The following LZTS1 variants were observed in gnomAD, a reference collection of about 807,000 sequenced individuals.
The protein encoded by LZTS1 is leucine zipper tumor suppressor 1.
A neutral mutation model predicts 45.8 loss-of-function variants in LZTS1; 31 were observed. The observed-to-expected ratio is 0.68, with a 90% CI of 0.51 to 0.91. The LOEUF (loss-of-function observed/expected upper bound fraction) is 0.91, where lower values mean the gene tolerates loss of function less well. LZTS1 is among the 40% of genes least tolerant of loss of function. LZTS1 has a pLI of 0.00. For synonymous variants in LZTS1, 359 were observed against 357.3 expected, an observed-to-expected ratio of 1.00 and a Z score of -0.05; for missense variants, 821 against 788.9, an observed-to-expected ratio of 1.04 and a Z score of -0.49.
intron 1 of LZTS1, among the ~76,000 whole-genome samples, chr8:20,281,716 TC>T (rs1800697381): frequency 1.3e-5 from 2 of 152,148 alleles, no homozygotes; most frequent in Admixed American, 1.3e-4. Flanking sequence ...ATATGTCTGT[TC>T]CCCCTTCACC....
At chr8:20,265,986 G>T (rs539998480) in intron 1 of LZTS1, among the ~76,000 whole-genome samples, 32 of 152,058 alleles carry the variant, frequency 2.1e-4, no homozygotes, top group African/African-American at 7.7e-4. Flanking sequence ...CACACACAGG[G>T]TCAAACACAG....
intron 1 of LZTS1, among the ~76,000 whole-genome samples, chr8:20,284,707 C>T (rs1800756579): frequency 6.6e-6 from 1 of 152,100 alleles, no homozygotes; most frequent in Admixed American, 6.6e-5. Context: ...TACCTTGGGG[C>T]CTGCATCATC....
At chr8:20,266,354 C>T (rs571055416) in intron 1 of LZTS1, among the ~76,000 whole-genome samples, 1 of 152,232 alleles carries the variant, frequency 6.6e-6, no homozygotes, top group South Asian at 2.1e-4. Context: ...ATAAAACCAG[C>T]TCATAAGGAG....
chr8:20,274,925 G>A (rs1182246152), intron 1 of LZTS1, among the ~76,000 whole-genome samples: 2 of 149,266 alleles, frequency 1.3e-5, no homozygotes, highest in East Asian at 3.9e-4. Flanking sequence ...TTGGAGCGCT[G>A]TGATCAAAAA....
Position 20,303,934 on chromosome 8 carries a change from C to T in LZTS1, c.-329G>A. 8 of 981,894 alleles carry T rather than the reference C, an allele frequency of 8.1e-6. No individual in the cohort carries two copies. Among genetic ancestry groups the T allele is most frequent in the Non-Finnish European group, 9.7e-6 (8 of 827,836 alleles). The allele number at this position is 981,894 out of a possible 1,614,324, so 60.8% of individuals were successfully genotyped here. Reference sequence around the variant, plus strand: ...GGCCTCCCCGCCCGGCCGCTGCCAACCCGCCAGCTCCAGGCGCGCCGGCCT... The same window carrying T: ...GGCCTCCCCGCCCGGCCGCTGCCAATCCGCCAGCTCCAGGCGCGCCGGCCT... On this transcript the variant is annotated 5_prime_UTR_variant, in exon 1 of 4. Transcript: ENST00000381569.
intron 1 of LZTS1, among the ~76,000 whole-genome samples, chr8:20,267,076 C>G (rs1310014302): frequency 6.7e-6 from 1 of 149,788 alleles, no homozygotes; most frequent in Non-Finnish European, 1.5e-5. Flanking sequence ...CCACTGCATT[C>G]CAGCCTGGGC....
chr8:20,291,353 A>G (rs1247981388), intron 1 of LZTS1, among the ~76,000 whole-genome samples: 2 of 151,784 alleles, frequency 1.3e-5, no homozygotes, highest in Non-Finnish European at 2.9e-5. Flanking sequence ...AGCACTCATG[A>G]CCCTCCCACA....
intron 2 of LZTS1, 56 bp downstream of exon 2, chr8:20,254,781 T>A (rs1284118601): frequency 4.4e-6 from 6 of 1,371,484 alleles, no homozygotes; most frequent in East Asian, 2.5e-5. Context: ...TCCACCCCCA[T>A]TTTGCTTTCT....
rs1036420040 is a variant in LZTS1, at chr8:20,263,792, G to T, written c.-134-8477C>A. On this transcript the variant is annotated intron_variant, in intron 1 of 3. Coordinates refer to ENST00000381569, the MANE Select transcript of LZTS1 (RefSeq NM_021020.5). The stretch of plus-strand genomic sequence containing the variant: ...CAGGCCCTCTGGACTGGCAAGCAGG[G>T]CTCAGGGAACAGTGTCTCCCGAAGG... Among the ~76,000 whole-genome samples the T allele has an allele frequency of 2.0e-5, 3 of 152,276 alleles. No individual in the cohort carries two copies. The South Asian group carries it at 6.2e-4, about 32-fold the overall frequency.
chr8:20,297,251 T>C (rs1453178268), intron 1 of LZTS1, among the ~76,000 whole-genome samples: 1 of 152,236 alleles, frequency 6.6e-6, no homozygotes, highest in African/African-American at 2.4e-5. Flanking sequence ...ATTCAAATTC[T>C]GTGGAGGCAA....
At chr8:20,264,207 G>A (rs1585286135) in intron 1 of LZTS1, among the ~76,000 whole-genome samples, 1 of 151,942 alleles carries the variant, frequency 6.6e-6, no homozygotes, top group Middle Eastern at 3.4e-3. Flanking sequence ...TTGATACTTC[G>A]GATCCATGCA....
Position 20,303,797 on chromosome 8 carries a change from T to C in LZTS1, c.-192A>G, listed in dbSNP as rs1801124993. The C allele has an allele frequency of 1.1e-5, 11 of 983,410 alleles. No individual in the cohort carries two copies. The highest frequency in any genetic ancestry group is 1.3e-5 in the Non-Finnish European group (11 of 829,576). The allele number at this position is 983,410 out of a possible 1,614,324, so 60.9% of individuals were successfully genotyped here. On this transcript the variant is annotated 5_prime_UTR_variant, in exon 1 of 4. Coordinates refer to ENST00000381569, the MANE Select transcript of LZTS1 (RefSeq NM_021020.5). ...TTTTTTTTTTCCCAGTGTTTCCCGG[T>C]GTGTTCCCGTCTCTCTTTTTCCAGA...
intron 1 of LZTS1, among the ~76,000 whole-genome samples, chr8:20,263,636 C>T (rs1015147248): frequency 1.3e-5 from 2 of 152,098 alleles, no homozygotes; most frequent in African/African-American, 4.8e-5. Flanking sequence ...GCCTTGCATC[C>T]TCTCAAGGCA....
intron 1 of LZTS1, among the ~76,000 whole-genome samples, chr8:20,259,755 T>A (rs1285573692): frequency 1.3e-5 from 2 of 152,156 alleles, no homozygotes; most frequent in African/African-American, 4.8e-5. Context: ...ATTTTCTAGT[T>A]CTCAACTTGA....
chr8:20,294,504 C>T (rs1800949919), intron 1 of LZTS1, among the ~76,000 whole-genome samples: 5 of 152,166 alleles, frequency 3.3e-5, no homozygotes, highest in Admixed American at 3.3e-4. Context: ...AGGCTGGGGG[C>T]TCCGCCTGGC....
rs1205030571 is a variant in LZTS1, at chr8:20,287,922, G to T, written c.-135+15818C>A. ...CAAAAAAAAAAAAAAAAAAAAAAAA[G>T]GTTCCTGGCTTCTTCCCCTTCCCTA... On this transcript the variant is annotated intron_variant, in intron 1 of 3. Transcript: ENST00000381569. 3.0e-5 allele frequency among the ~76,000 whole-genome samples: 3 copies of T among 101,546 alleles called. No homozygotes were observed. The Admixed American group carries it at 3.2e-4, about 11-fold the overall frequency. The allele number at this position is 101,546 out of a possible 152,430, so 66.6% of individuals were successfully genotyped here.
At chr8:20,263,337 C>T (rs1183660279) in intron 1 of LZTS1, among the ~76,000 whole-genome samples, 1 of 145,818 alleles carries the variant, frequency 6.9e-6, no homozygotes, top group East Asian at 2.0e-4. Context: ...TCATTTCAGT[C>T]TTTTTTTTTT....
intron 1 of LZTS1, among the ~76,000 whole-genome samples, chr8:20,286,137 G>A (rs1442862654): frequency 1.3e-5 from 2 of 152,110 alleles, no homozygotes; most frequent in Non-Finnish European, 2.9e-5. Flanking sequence ...CACTATTCTA[G>A]AGGAAAAATA....
chr8:20,284,046 G>T (rs988097283), intron 1 of LZTS1, among the ~76,000 whole-genome samples: 1 of 152,158 alleles, frequency 6.6e-6, no homozygotes, highest in African/African-American at 2.4e-5. Flanking sequence ...ATGGACTGGA[G>T]GTCAGGCATC....
Sources: allele counts gnomAD v4.1 joint callset (sites outside exome capture counted in the v4.1 genomes callset), GRCh38; gene constraint gnomAD v4.1.1; transcripts MANE v1.5; gene names NCBI Gene and HGNC (gene_info 2026-07-23, HGNC 2026-07-21).